Variants in SPEG observed in about 807,000 individuals in gnomAD.
The protein encoded by SPEG is striated muscle enriched protein kinase.
A neutral mutation model predicts 300.4 loss-of-function variants in SPEG; 114 were observed. That is an observed-to-expected ratio of 0.38 (90% confidence interval 0.33 to 0.44). The LOEUF (loss-of-function observed/expected upper bound fraction) is 0.44. Among genes scored for constraint, SPEG ranks in the 20% least tolerant of loss-of-function variants. The pLI, the probability that SPEG is intolerant of heterozygous loss-of-function variation, is 1.00. For synonymous variants in SPEG, 1,964 were observed against 2,018.9 expected, an observed-to-expected ratio of 0.97 and a Z score of 0.73; for missense variants, 4,201 against 4,586.2, an observed-to-expected ratio of 0.92 and a Z score of 2.43.
At position 219,483,945 on chromosome 2, in the gene SPEG, T is replaced by C; in HGVS notation, c.6482T>C (p.Leu2161Pro). The C allele has an allele frequency of 6.2e-7, 1 of 1,606,214 alleles. No individual in the cohort carries two copies. Among genetic ancestry groups the C allele is most frequent in the Non-Finnish European group, 8.5e-7 (1 of 1,179,752 alleles). Residue 2161 changes from leucine (L) to proline (P), a missense_variant, in exon 30 of 41, where the codon CTA (leucine) becomes CCA (proline). Transcript: ENST00000312358. ...IPVARLGARR[L>P]QESPSLSALS... ...GTGGCCAGGCTTGGGGCCCGTAGGC[T>C]ACAGGAGTCTCCTTCCCTGTCTGCC...
intron 14 of SPEG, 107 bp downstream of exon 14, chr2:219,472,094 C>T (rs1426919277): frequency 1.3e-6 from 2 of 1,528,064 alleles, no homozygotes; most frequent in Non-Finnish European, 1.8e-6. Context: ...CCTCCATCCC[C>T]TGGGGACCCT....
intron 7 of SPEG, 77 bp from the exon 8 acceptor site, chr2:219,462,221 C>T: frequency 7.5e-7 from 1 of 1,325,212 alleles, no homozygotes. Flanking sequence ...GAAGAGTCCT[C>T]CGTCTCAGAT....
intron 6 of SPEG, chr2:219,460,356 C>T (rs973467356): frequency 4.1e-6 from 4 of 985,406 alleles, no homozygotes; most frequent in South Asian, 4.7e-5. Context: ...GGCTCGTTAG[C>T]GCATTCCCCG....
In SPEG at chr2:219,480,215, A is replaced by C; in HGVS notation, c.5342+75A>C. On this transcript the variant is annotated intron_variant, in intron 25 of 40. Transcript: ENST00000312358. This position sits in a 1 kb window ranked among gnomAD's most constrained non-coding sequence, Gnocchi z 5.3. ...CTGTGCTGGGGACGCGCTCACTGGCAGGGAGATTTACCGAGCCTGAATTCC... is the reference window on the plus strand; with the variant it reads ...CTGTGCTGGGGACGCGCTCACTGGCCGGGAGATTTACCGAGCCTGAATTCC... The C allele has an allele frequency of 6.7e-7, 1 of 1,500,882 alleles. No homozygotes were observed. The highest frequency in any genetic ancestry group is 9.1e-7 in the Non-Finnish European group (1 of 1,094,296). 93.0% of individuals were successfully genotyped at this position (1,500,882 alleles called of 1,614,324 possible). A position where few individuals can be genotyped will look rare whatever the true frequency, so the allele number is the denominator to read the frequency against.
At chr2:219,454,876 C>T (rs1265562188) in intron 6 of SPEG, among the ~76,000 whole-genome samples, 1 of 152,084 alleles carries the variant, frequency 6.6e-6, no homozygotes, top group Non-Finnish European at 1.5e-5. Context: ...GGTGGATCAC[C>T]TGAGGTCAGG....
chr2:219,467,439 C>A lies in SPEG; in HGVS notation c.3142+5C>A. 1 of 1,593,958 alleles carries A rather than the reference C, an allele frequency of 6.3e-7. No homozygotes were observed. The highest frequency in any genetic ancestry group is 8.6e-7 in the Non-Finnish European group (1 of 1,167,154). On this transcript the variant is annotated splice_donor_5th_base_variant and intron_variant, in intron 10 of 40. Transcript: ENST00000312358. ...GCAAGCTCAGCACGGCCAAAGGTAA[C>A]TCCCCACTCAGGCATTGGGCTGCCG...
At position 219,462,176 on chromosome 2, in the gene SPEG, C is replaced by T. The variant is rs887485884; in HGVS notation, c.2616+119C>T. ...ACCTGGAACTTTGCTCCCATTCAAA[C>T]CCTCTTACCCAGAGCCAGTCTCAGC... On this transcript the variant is annotated intron_variant, in intron 7 of 40. Transcript: ENST00000312358. The T allele has an allele frequency of 1.4e-5, 17 of 1,185,622 alleles. No individual in the cohort carries two copies. In the South Asian group the frequency reaches 1.5e-4, roughly 10 times the overall value. The allele number at this position is 1,185,622 out of a possible 1,614,324, so 73.4% of individuals were successfully genotyped here.
rs1433592752 is a variant in SPEG at position 219,484,622 on chromosome 2, C to G, written c.7159C>G (p.Arg2387Gly). 1.9e-6 allele frequency: 3 copies of G among 1,547,166 alleles called. No individual in the cohort carries two copies. The highest frequency in any genetic ancestry group is 2.7e-5 in the African/African-American group (2 of 73,172). ...PAGTPLELVR[R>G]PERSRSVQDL... ...GGGGACCCCGCTGGAGCTGGTGCGA[C>G]GGCCTGAGCGCTCACGCTCGGTGCA... The change falls in exon 30 of 41, where the codon CGG (arginine) becomes GGG (glycine). Residue 2387 changes from arginine to glycine, a missense_variant. Physicochemically the swap from Arg to Gly is moderately radical, Grantham distance 125. Transcript: ENST00000312358.
Position 219,435,091 on chromosome 2 carries a change from C to CGT in SPEG, c.116_117dup (p.Ala40TrpfsTer11). ...GGGCCGGCGGCGGGGCTCCTGTGGCCGTGGCCGGGGCGCCAGTCTTCCTGC... is the reference window on the plus strand; with the variant it reads ...GGGCCGGCGGCGGGGCTCCTGTGGCCGTGTGGCCGGGGCGCCAGTCTTCCTGC... On this transcript the variant is annotated frameshift_variant, in exon 1 of 41. Coordinates refer to ENST00000312358, the MANE Select transcript of SPEG (RefSeq NM_005876.5). LOFTEE classifies it high-confidence loss of function. 6.8e-7 allele frequency: 1 copy of CGT among 1,462,290 alleles called. No homozygotes were observed. Among genetic ancestry groups the CGT allele is most frequent in the Non-Finnish European group, 8.9e-7 (1 of 1,117,446 alleles). The allele number at this position is 1,462,290 out of a possible 1,614,324, so 90.6% of individuals were successfully genotyped here. A position where few individuals can be genotyped will look rare whatever the true frequency, so the allele number is the denominator to read the frequency against.
chr2:219,466,536 T>A, intron 9 of SPEG: 1 of 1,070,666 alleles, frequency 9.3e-7, no homozygotes, highest in Non-Finnish European at 1.1e-6. Flanking sequence ...CAGGGGCTGT[T>A]GACAAAGGCC....
Position 219,465,912 on chromosome 2 carries a change from C to CGTGT in SPEG, c.2882-1254_2882-1251dup, listed in dbSNP as rs1024847502. On this transcript the variant is annotated intron_variant, in intron 9 of 40. Coordinates refer to ENST00000312358, the MANE Select transcript of SPEG (RefSeq NM_005876.5). ...ATGTGTGCGTATGGGTGTGTGCATG[C>CGTGT]GTGTGTGTGTGCGCGCGTGTGCGTG... 8 of 685,262 alleles carry CGTGT rather than the reference C, an allele frequency of 1.2e-5. No homozygotes were observed. In the East Asian group the frequency reaches 1.4e-4, roughly 12 times the overall value. The allele number at this position is 685,262 out of a possible 1,614,324, so 42.4% of individuals were successfully genotyped here. A position where few individuals can be genotyped will look rare whatever the true frequency, so the allele number is the denominator to read the frequency against.
intron 3 of SPEG, among the ~76,000 whole-genome samples, chr2:219,446,205 T>G (rs990143461): frequency 6.6e-6 from 1 of 152,170 alleles, no homozygotes; most frequent in Admixed American, 6.5e-5. Context: ...CTTATCTTCT[T>G]GGCCTTACCC....
chr2:219,492,393 C>G lies in SPEG; in HGVS notation c.9611+133C>G, dbSNP rs1292754480. On this transcript the variant is annotated intron_variant, in intron 40 of 40. Transcript: ENST00000312358. ...TCTACTAAATGGTCATACTACCCAC[C>G]ATTTAAAGCCTGAGGCAGCCCCGTG... is the stretch of plus-strand genomic sequence containing the variant. The G allele has an allele frequency of 4.3e-6, 5 of 1,174,578 alleles. No homozygotes were observed. The African/African-American group carries it at 6.1e-5, about 14-fold the overall frequency. The allele number at this position is 1,174,578 out of a possible 1,614,324, so 72.8% of individuals were successfully genotyped here.
At position 219,462,033 on chromosome 2, in the gene SPEG, C is replaced by T; in HGVS notation, c.2592C>T (p.Gly864=). ...AGAACCGCCGTTCTTCTGACACTGG[C>T]TCCAAGGCACCCCCCACCTTCAAGG... ...PSQNRRSSDT[G]SKAPPTFKVS... is the part of the protein sequence containing the mutation. Residue 864 remains glycine (G), a synonymous_variant, in exon 7 of 41, where the codon GGC becomes GGT. Transcript: ENST00000312358. The T allele has an allele frequency of 1.2e-6, 2 of 1,608,086 alleles. No individual in the cohort carries two copies. Among genetic ancestry groups the T allele is most frequent in the Non-Finnish European group, 1.7e-6 (2 of 1,178,098 alleles).
chr2:219,461,959 C>T lies in SPEG; in HGVS notation c.2518C>T (p.Pro840Ser), dbSNP rs1041318787. The T allele has an allele frequency of 1.2e-6, 2 of 1,613,824 alleles. No homozygotes were observed. Among genetic ancestry groups the T allele is most frequent in the Non-Finnish European group, 1.7e-6 (2 of 1,179,868 alleles). Residue 840 changes from proline to serine, a missense_variant, in exon 7 of 41, where the codon CCT becomes TCT. Physicochemically the swap from Pro to Ser is moderately conservative, Grantham distance 74. Coordinates refer to ENST00000312358, the MANE Select transcript of SPEG (RefSeq NM_005876.5). The stretch of plus-strand genomic sequence containing the variant: ...GAGCCCCCCAGAGGAGTTCCCAGAG[C>T]CTGGGGAGACCTGGCCGCGAACCCC... ...YLSPPEEFPE[P>S]GETWPRTPTM...
intron 8 of SPEG, among the ~76,000 whole-genome samples, chr2:219,462,917 C>CA (rs922537670): frequency 6.6e-6 from 1 of 151,934 alleles, no homozygotes; most frequent in Non-Finnish European, 1.5e-5. Context: ...GACCCTGTCT[C>CA]AAAAATAAAA....
Position 219,451,929 on chromosome 2 carries a change from T to A in SPEG, c.2440+122T>A. The stretch of plus-strand genomic sequence containing the variant: ...AGCTTGGGCACCCCGCCAGCATACT[T>A]AGTCCATGCAGTCCCTTCTGGGTGT... On this transcript the variant is annotated intron_variant, in intron 6 of 40. Coordinates refer to ENST00000312358, the MANE Select transcript of SPEG (RefSeq NM_005876.5). This position sits in a 1 kb window ranked among gnomAD's most constrained non-coding sequence, Gnocchi z 6.4. The A allele has an allele frequency of 9.6e-7, 1 of 1,038,496 alleles. No homozygotes were observed. Among genetic ancestry groups the A allele is most frequent in the Non-Finnish European group, 1.3e-6 (1 of 743,184 alleles). The allele number at this position is 1,038,496 out of a possible 1,614,324, so 64.3% of individuals were successfully genotyped here. A position where few individuals can be genotyped will look rare whatever the true frequency, so the allele number is the denominator to read the frequency against.
chr2:219,435,340 G>T lies in SPEG; in HGVS notation c.363G>T (p.Ala121=), dbSNP rs1423744695. Residue 121 remains alanine (A), a synonymous_variant, in exon 1 of 41, where the codon GCG becomes GCT. Coordinates refer to ENST00000312358, the MANE Select transcript of SPEG (RefSeq NM_005876.5). ...AGCGGGGCCGGGCCTCCTGCGAGGC[G>T]GTGCTCACAGTGCTGGAGGTCGGAG... The part of the protein sequence containing the change: ...QNERGRASCE[A]VLTVLEVGDS... 1 of 1,538,846 alleles carries T rather than the reference G, an allele frequency of 6.5e-7. No homozygotes were observed. Among genetic ancestry groups the T allele is most frequent in the East Asian group, 2.4e-5 (1 of 40,932 alleles).
At position 219,469,267 on chromosome 2, in the gene SPEG, G is replaced by A; in HGVS notation, c.3603G>A (p.Leu1201=). 2 of 1,613,890 alleles carry A rather than the reference G, an allele frequency of 1.2e-6. No individual in the cohort carries two copies. The highest frequency in any genetic ancestry group is 1.7e-6 in the Non-Finnish European group (2 of 1,179,992). The change falls in exon 13 of 41, where the codon CTG becomes CTA. Residue 1201 remains leucine (L), a synonymous_variant. Coordinates refer to ENST00000312358, the MANE Select transcript of SPEG (RefSeq NM_005876.5). ...CACTGCAGGACCTGGAGGTGGGACT[G>A]GCCAAGGAGGCCATGCTAGAGTGCC... ...LRPLQDLEVG[L]AKEAMLECQV... is the part of the protein sequence containing the mutation.
Sources: allele counts gnomAD v4.1 joint callset (sites outside exome capture counted in the v4.1 genomes callset), GRCh38; gene constraint gnomAD v4.1.1; non-coding constraint Gnocchi (gnomAD v3.1); transcripts MANE v1.5; gene names NCBI Gene and HGNC (gene_info 2026-07-23, HGNC 2026-07-21).